The following KCNMA1 variants were observed in gnomAD, a reference collection of about 807,000 sequenced individuals.
The protein encoded by KCNMA1 is Calcium-activated potassium channel subunit alpha-1.
A neutral mutation model predicts 140.0 loss-of-function variants in KCNMA1; 29 were observed. The observed-to-expected ratio is 0.21, with a 90% CI of 0.15 to 0.28. The LOEUF is 0.28. Ranked by LOEUF, KCNMA1 falls within the 10% of genes least tolerant of loss-of-function variation. KCNMA1 has a pLI of 1.00. For synonymous variants in KCNMA1, 612 were observed against 611.9 expected, an observed-to-expected ratio of 1.00 and a Z score of 0.00; for missense variants, 880 against 1,602.2, an observed-to-expected ratio of 0.55 and a Z score of 7.70.
At chr10:77,591,931 C>T (rs1343054047) in intron 1 of KCNMA1, among the ~76,000 whole-genome samples, 2 of 152,224 alleles carry the variant, frequency 1.3e-5, no homozygotes, top group Non-Finnish European at 2.9e-5. Context: ...AAGGCTCTGC[C>T]AGGACCCAGC....
At chr10:77,079,591 T>C (rs2096509320) in intron 12 of KCNMA1, 41 bp from the exon 13 acceptor site, 5 of 1,345,894 alleles carry the variant, frequency 3.7e-6, no homozygotes, top group South Asian at 2.3e-5. Flanking sequence ...GTCTGCCTTA[T>C]GCATGGTGTC....
intron 3 of KCNMA1, among the ~76,000 whole-genome samples, chr10:77,204,208 T>C (rs894389745): frequency 6.6e-6 from 1 of 152,128 alleles, no homozygotes; most frequent in African/African-American, 2.4e-5. Flanking sequence ...AAGGACTGAT[T>C]TGTGTGCTCT....
At chr10:77,001,670 G>A in intron 18 of KCNMA1, 90 bp from the exon 19 acceptor site, 1 of 1,049,186 alleles carries the variant, frequency 9.5e-7, no homozygotes. Flanking sequence ...GGAGCTGAAG[G>A]GATTTAACAC....
chr10:77,609,085 C>T (rs1021309519), intron 1 of KCNMA1, among the ~76,000 whole-genome samples: 2 of 152,196 alleles, frequency 1.3e-5, no homozygotes, highest in African/African-American at 4.8e-5. Context: ...CCAGCAATCT[C>T]ACTACTGGTT....
intron 1 of KCNMA1, among the ~76,000 whole-genome samples, chr10:77,603,133 G>A (rs754689940): frequency 1.3e-5 from 2 of 152,218 alleles, no homozygotes; most frequent in Non-Finnish European, 2.9e-5. Flanking sequence ...AACTGCTAGA[G>A]GTTCCATTAG....
chr10:77,229,516 A>C (rs991143479), intron 3 of KCNMA1, among the ~76,000 whole-genome samples: 28 of 152,204 alleles, frequency 1.8e-4, no homozygotes, highest in Admixed American at 2.0e-4. Flanking sequence ...AGCTTCACTC[A>C]TCTCTTCACC....
intron 1 of KCNMA1, among the ~76,000 whole-genome samples, chr10:77,412,844 T>TTTTTGTTTTG (rs566706184): frequency 6.6e-6 from 1 of 152,122 alleles, no homozygotes; most frequent in Non-Finnish European, 1.5e-5. Context: ...TGTTAGCTTT[T>TTTTTGTTTTG]TTTTGTTTTG....
intron 2 of KCNMA1, among the ~76,000 whole-genome samples, chr10:77,331,017 C>T (rs2086187143): frequency 1.3e-5 from 2 of 152,130 alleles, no homozygotes; most frequent in African/African-American, 2.4e-5. Context: ...CCCTCTCCAA[C>T]GTACAGAGCC....
At chr10:77,162,265 A>ATTG (rs2098565836) in intron 5 of KCNMA1, among the ~76,000 whole-genome samples, 1 of 152,146 alleles carries the variant, frequency 6.6e-6, no homozygotes, top group Non-Finnish European at 1.5e-5. Context: ...AGCAAACAAA[A>ATTG]TCTCTCAGAC....
At chr10:77,064,255 G>T in intron 14 of KCNMA1, 1 of 275,290 alleles carries the variant, frequency 3.6e-6, no homozygotes, top group Non-Finnish European at 5.5e-6. Flanking sequence ...TTGCTGCAAA[G>T]TAAAGAATAA....
At chr10:76,902,033 T>G (rs891394866) in intron 25 of KCNMA1, 2 of 152,272 alleles carry the variant, frequency 1.3e-5, no homozygotes, top group Non-Finnish European at 1.5e-5. Flanking sequence ...GTCAGTCATA[T>G]TGGAGGATGC....
At chr10:77,009,238 T>C (rs1314830653) in intron 18 of KCNMA1, among the ~76,000 whole-genome samples, 1 of 152,126 alleles carries the variant, frequency 6.6e-6, no homozygotes, top group African/African-American at 2.4e-5. Context: ...GGAGATTATA[T>C]ACCTCACTAG....
intron 3 of KCNMA1, among the ~76,000 whole-genome samples, chr10:77,201,174 A>G (rs544736786): frequency 6.6e-6 from 1 of 152,330 alleles, no homozygotes; most frequent in South Asian, 2.1e-4. Flanking sequence ...CTCTTTAAAA[A>G]GTGACCAAGT....
At chr10:77,351,091 T>A (rs545948704) in intron 2 of KCNMA1, among the ~76,000 whole-genome samples, 4 of 152,384 alleles carry the variant, frequency 2.6e-5, no homozygotes, top group African/African-American at 4.8e-5. Context: ...CAGGGGACTT[T>A]ATCCAAAAGA....
chr10:77,284,604 C>T (rs2070038770), intron 2 of KCNMA1, among the ~76,000 whole-genome samples: 1 of 152,072 alleles, frequency 6.6e-6, no homozygotes, highest in Non-Finnish European at 1.5e-5. Flanking sequence ...ACCTCCACCT[C>T]CCAGGTTCAA....
At chr10:77,497,075 C>T (rs1279291345) in intron 1 of KCNMA1, among the ~76,000 whole-genome samples, 1 of 152,256 alleles carries the variant, frequency 6.6e-6, no homozygotes, top group East Asian at 1.9e-4. Flanking sequence ...GCATGCATCT[C>T]AGAGAGCGAA....
At chr10:76,884,067 C>T (rs958166598), downstream of KCNMA1, 1 of 744,770 alleles carries the variant, frequency 1.3e-6, no homozygotes, top group Non-Finnish European at 1.6e-6. Context: ...GTTCCCATTC[C>T]ATTCCCATCA....
At chr10:77,340,675 C>T (rs2090609107) in intron 2 of KCNMA1, among the ~76,000 whole-genome samples, 1 of 144,178 alleles carries the variant, frequency 6.9e-6, no homozygotes, top group Non-Finnish European at 1.5e-5. Context: ...AACACTTGGA[C>T]ACAGGAAAGG....
At chr10:77,352,777 A>C (rs1427697812) in intron 2 of KCNMA1, among the ~76,000 whole-genome samples, 1 of 152,220 alleles carries the variant, frequency 6.6e-6, no homozygotes, top group African/African-American at 2.4e-5. Context: ...TTATCAAAAG[A>C]CATTTCTTAC....
Sources: gnomAD v4.1 joint callset for allele counts (sites outside exome capture counted in the v4.1 genomes callset) on GRCh38, gnomAD v4.1.1 for gene constraint, MANE v1.5 for transcripts, NCBI Gene and HGNC (gene_info 2026-07-23, HGNC 2026-07-21) for gene names.